Variants in LPP observed in about 807,000 individuals in gnomAD.
LPP encodes LIM domain containing preferred translocation partner in lipoma, also known as lipoma-preferred partner.
A neutral mutation model predicts 60.4 loss-of-function variants in LPP; 38 were observed. The observed-to-expected ratio is 0.63, with a 90% CI of 0.49 to 0.83. The LOEUF (loss-of-function observed/expected upper bound fraction) is 0.83, where lower values mean the gene tolerates loss of function less well. Among genes scored for constraint, LPP ranks in the 40% least tolerant of loss-of-function variants. The pLI is 0.00. For synonymous variants in LPP, 328 were observed against 290.8 expected (o/e 1.13, Z -1.30); for missense variants, 902 against 783.6 (o/e 1.15, Z -1.80).
chr3:188,836,969 G>T (rs994270264), intron 9 of LPP, among the ~76,000 whole-genome samples: 3 of 152,104 alleles, frequency 2.0e-5, no homozygotes, highest in African/African-American at 7.2e-5. Flanking sequence ...TCATTTATTG[G>T]CAGTGAATGA....
At chr3:188,759,997 G>T in intron 8 of LPP, 116 bp from the exon 9 acceptor site, 4 of 793,294 alleles carry the variant, frequency 5.0e-6, no homozygotes, top group Non-Finnish European at 8.4e-6. Flanking sequence ...GGTAATGACG[G>T]CAGGAGTGGT....
intron 8 of LPP, among the ~76,000 whole-genome samples, chr3:188,740,549 G>T (rs1241877391): frequency 6.6e-6 from 1 of 151,976 alleles, no homozygotes; most frequent in African/African-American, 2.4e-5. Flanking sequence ...TATAAGAAGT[G>T]CTTTATACTT....
chr3:188,393,160 G>C (rs1282340934), intron 3 of LPP, among the ~76,000 whole-genome samples: 1 of 151,520 alleles, frequency 6.6e-6, no homozygotes, highest in Non-Finnish European at 1.5e-5. Flanking sequence ...TATAATTGAA[G>C]TAAACACTCT....
intron 4 of LPP, among the ~76,000 whole-genome samples, chr3:188,454,363 C>T (rs1797262195): frequency 6.6e-6 from 1 of 152,138 alleles, no homozygotes; most frequent in Non-Finnish European, 1.5e-5. Flanking sequence ...CCATGGAAAA[C>T]CAACATATCT....
At chr3:188,507,092 C>T (rs942436196) in intron 5 of LPP, among the ~76,000 whole-genome samples, 8 of 152,114 alleles carry the variant, frequency 5.3e-5, no homozygotes, top group East Asian at 1.9e-4. Context: ...CCACCACGCC[C>T]GGCCCATAAC....
chr3:188,261,403 C>T (rs756776475), intron 2 of LPP, among the ~76,000 whole-genome samples: 2 of 152,060 alleles, frequency 1.3e-5, no homozygotes, highest in African/African-American at 4.8e-5. Flanking sequence ...ATGTGAATGA[C>T]GGCATTTACA....
chr3:188,616,232 G>T (rs1319783623), intron 7 of LPP, among the ~76,000 whole-genome samples: 1 of 152,138 alleles, frequency 6.6e-6, no homozygotes, highest in Non-Finnish European at 1.5e-5. Context: ...TTACATTTAA[G>T]TATTTAATCC....
chr3:188,463,357 T>C (rs62289610), intron 4 of LPP, among the ~76,000 whole-genome samples: 1 of 58,510 alleles, frequency 1.7e-5, no homozygotes, highest in Non-Finnish European at 3.5e-5. Context: ...GCCTGACTAA[T>C]TTAAAAAAAA....
chr3:188,160,148 G>T (rs1447415598), intron 1 of LPP, among the ~76,000 whole-genome samples: 1 of 152,118 alleles, frequency 6.6e-6, no homozygotes, highest in Non-Finnish European at 1.5e-5. Flanking sequence ...CTGACCTCGT[G>T]ATCCACCTGC....
Position 188,299,058 on chromosome 3 carries a change from C to T in LPP, c.-66-42605C>T, listed in dbSNP as rs1748866934. ...TGTGTCTTACATCTTAATAAGGCAG[C>T]AGATTGTATCAGAATCAGTTAACTC... On this transcript the variant is annotated intron_variant, in intron 2 of 11. Coordinates refer to ENST00000617246, the MANE Select transcript of LPP (RefSeq NM_001375462.1). Among the ~76,000 whole-genome samples, 3 of 152,304 alleles carry T rather than the reference C, an allele frequency of 2.0e-5. No individual in the cohort carries two copies. The South Asian group carries it at 6.2e-4, about 32-fold the overall frequency.
intron 6 of LPP, among the ~76,000 whole-genome samples, chr3:188,563,326 G>A (rs1317134835): frequency 6.6e-6 from 1 of 151,706 alleles, no homozygotes; most frequent in Non-Finnish European, 1.5e-5. Context: ...GAACATAACA[G>A]CCCTCCCTCA....
rs544161994 is a variant in LPP, at chr3:188,843,786, C to CA, written c.1411-22402dup. ...TGGGCGACAGAGCAAGACTCCGTCT[C>CA]AAAAAAAAAAAATCCTTCCTCTGGG... On this transcript the variant is annotated intron_variant, in intron 9 of 11. Transcript: ENST00000617246. Among the ~76,000 whole-genome samples the CA allele has an allele frequency of 8.5e-3, 647 of 75,710 alleles. 110 individuals are homozygous for CA. The highest frequency in any genetic ancestry group is 0.018 in the African/African-American group (366 of 20,494). The allele number at this position is 75,710 out of a possible 152,430, so 49.7% of individuals were successfully genotyped here. A position where few individuals can be genotyped will look rare whatever the true frequency, so the allele number is the denominator to read the frequency against.
At chr3:188,793,921 C>T (rs533056964) in intron 9 of LPP, among the ~76,000 whole-genome samples, 21 of 144,356 alleles carry the variant, frequency 1.5e-4, no homozygotes, top group Admixed American at 1.4e-3. Context: ...CCTTAGTTTC[C>T]CTCCAGCCAG....
chr3:188,175,334 C>T (rs970623237), intron 1 of LPP, among the ~76,000 whole-genome samples: 5 of 152,142 alleles, frequency 3.3e-5, no homozygotes, highest in African/African-American at 7.2e-5. Flanking sequence ...AGTGAGCCGC[C>T]TGCTTGGCCT....
In LPP at chr3:188,485,796, CAAAAA is replaced by C. The variant is rs766522013; in HGVS notation, c.306+1106_306+1110del. On this transcript the variant is annotated intron_variant, in intron 5 of 11. Coordinates refer to ENST00000617246, the MANE Select transcript of LPP (RefSeq NM_001375462.1). ...TGGGCGACAGAGCGAGACTCCGTCT[CAAAAA>C]AAAAAAAAAAAAATGGAATGGTGTC... Among the ~76,000 whole-genome samples, 2 of 40,162 alleles carry C rather than the reference CAAAAA, an allele frequency of 5.0e-5. 1 individual carries two copies. 26.3% of individuals were successfully genotyped at this position (40,162 alleles called of 152,430 possible). A position where few individuals can be genotyped will look rare whatever the true frequency, so the allele number is the denominator to read the frequency against.
In LPP at chr3:188,450,313, T is replaced by A. The variant is rs149550817; in HGVS notation, c.194-34279T>A. 2.4e-4 allele frequency among the ~76,000 whole-genome samples: 36 copies of A among 152,312 alleles called. No individual in the cohort carries two copies. In the East Asian group the frequency reaches 6.9e-3, roughly 29 times the overall value. ...ATGAATAATGCTCAGTGAGCAGGCA[T>A]AGAATTGTCAGGACCTTTGCAGTAT... On this transcript the variant is annotated intron_variant, in intron 4 of 11. Coordinates refer to ENST00000617246, the MANE Select transcript of LPP (RefSeq NM_001375462.1).
intron 4 of LPP, among the ~76,000 whole-genome samples, chr3:188,407,096 G>A (rs998199914): frequency 2.0e-5 from 3 of 150,526 alleles, no homozygotes; most frequent in Non-Finnish European, 4.4e-5. Flanking sequence ...AAAAAAAACT[G>A]AAGAATATTA....
intron 6 of LPP, among the ~76,000 whole-genome samples, chr3:188,557,998 G>A (rs1829872959): frequency 6.6e-6 from 1 of 151,386 alleles, no homozygotes; most frequent in Admixed American, 6.6e-5. Context: ...GATGTTATCA[G>A]TATTTTTGAG....
intron 7 of LPP, among the ~76,000 whole-genome samples, chr3:188,654,668 G>T (rs567175654): frequency 3.0e-4 from 46 of 152,290 alleles, no homozygotes; most frequent in African/African-American, 1.0e-3. Flanking sequence ...TCAGCAAAAT[G>T]TTGTAAGTCC....
Sources: allele counts gnomAD v4.1 joint callset (sites outside exome capture counted in the v4.1 genomes callset), GRCh38; gene constraint gnomAD v4.1.1; transcripts MANE v1.5; gene names NCBI Gene and HGNC (gene_info 2026-07-23, HGNC 2026-07-21).